ATP11C: variants seen among roughly 807,000 people sequenced by gnomAD.
ATP11C encodes the protein phospholipid-transporting ATPase IG.
In ATP11C, 36 loss-of-function variants were observed where a neutral mutation model predicts 97.4. That is an observed-to-expected ratio of 0.37 (90% CI 0.28 to 0.49). The LOEUF (loss-of-function observed/expected upper bound fraction) is 0.49. ATP11C is among the 20% of genes least tolerant of loss of function. The pLI is 0.98. For synonymous variants in ATP11C, 275 were observed against 290.9 expected (o/e 0.95, Z 0.56); for missense variants, 730 against 824.6 (o/e 0.89, Z 1.40).
intron 1 of ATP11C, among the ~76,000 whole-genome samples, chrX:139,889,413 G>A (rs1404307333): frequency 1.8e-5 from 2 of 111,879 alleles, no homozygotes; most frequent in Non-Finnish European, 3.8e-5. Context: ...GGGGTTGGCA[G>A]TTTAGGGAGG....
chrX:139,787,065 G>A (rs1212338322), intron 15 of ATP11C, 108 bp downstream of exon 15: 3 of 1,062,505 alleles, frequency 2.8e-6, no homozygotes, highest in African/African-American at 3.8e-5. Flanking sequence ...TGGGAGAGCA[G>A]GGTCCTGTAT....
intron 1 of ATP11C, among the ~76,000 whole-genome samples, chrX:139,906,221 C>T (rs968171572): frequency 9.4e-5 from 10 of 106,037 alleles, no homozygotes; most frequent in African/African-American, 3.5e-4. Context: ...CCCAGGAGTT[C>T]AAGACCAACC....
At chrX:139,846,817 C>A (rs2083915831) in intron 1 of ATP11C, among the ~76,000 whole-genome samples, 1 of 110,280 alleles carries the variant, frequency 9.1e-6, no homozygotes, top group South Asian at 3.9e-4. Context: ...GAACTTTAAT[C>A]AGGTTCAGAC....
intron 12 of ATP11C, among the ~76,000 whole-genome samples, chrX:139,794,834 G>A (rs974330848): frequency 8.9e-6 from 1 of 111,756 alleles, no homozygotes; most frequent in African/African-American, 3.3e-5. Flanking sequence ...TATTCTATTT[G>A]TAATAGTAGT....
At chrX:139,739,030 A>ATAT (rs1239546633) in intron 27 of ATP11C, among the ~76,000 whole-genome samples, 3 of 111,514 alleles carry the variant, frequency 2.7e-5, no homozygotes, top group Non-Finnish European at 5.7e-5. Context: ...TACTTTTATG[A>ATAT]AAATTAGATT....
intron 5 of ATP11C, among the ~76,000 whole-genome samples, chrX:139,805,810 A>C (rs762342923): frequency 8.9e-6 from 1 of 112,402 alleles, no homozygotes; most frequent in Non-Finnish European, 1.9e-5. Flanking sequence ...TGAGGATTTC[A>C]AGACCTATTC....
chrX:139,800,572 C>A (rs1220353937), intron 7 of ATP11C, among the ~76,000 whole-genome samples: 1 of 111,728 alleles, frequency 9.0e-6, no homozygotes, highest in Non-Finnish European at 1.9e-5. Flanking sequence ...TAGGTCCCAT[C>A]CCTGAGCTTC....
At chrX:139,884,245 A>T (rs1469475356) in intron 1 of ATP11C, among the ~76,000 whole-genome samples, 1 of 111,603 alleles carries the variant, frequency 9.0e-6, no homozygotes, top group African/African-American at 3.3e-5. Flanking sequence ...TTGACTAATG[A>T]AACACACAGA....
chrX:139,917,431 T>C (rs1300814033), intron 1 of ATP11C, among the ~76,000 whole-genome samples: 1 of 111,728 alleles, frequency 9.0e-6, no homozygotes, highest in Non-Finnish European at 1.9e-5. Flanking sequence ...TTGCAAATCA[T>C]ATATTTCATA....
At chrX:139,758,239 A>G (rs1244135077) in intron 22 of ATP11C, among the ~76,000 whole-genome samples, 2 of 112,451 alleles carry the variant, frequency 1.8e-5, no homozygotes, top group Non-Finnish European at 3.8e-5. Flanking sequence ...TTTAAAGTCA[A>G]TTAATGCCAA....
intron 18 of ATP11C, among the ~76,000 whole-genome samples, chrX:139,776,373 T>C (rs957059728): frequency 8.9e-6 from 1 of 112,095 alleles, no homozygotes; most frequent in Non-Finnish European, 1.9e-5. Context: ...CAGAGTTGTC[T>C]GCTCTGAACT....
Position 139,785,241 on chromosome X carries a change from C to T in ATP11C, c.1651G>A (p.Val551Met). 8.3e-7 allele frequency: 1 copy of T among 1,206,909 alleles called. No homozygotes were observed. Among genetic ancestry groups the T allele is most frequent in the Non-Finnish European group, 1.1e-6 (1 of 892,445 alleles). Residue 551 changes from valine to methionine, a missense_variant, in exon 16 of 30, where the codon GTG (valine) becomes ATG (methionine). Val to Met is a conservative substitution (Grantham distance 21). Coordinates refer to ENST00000682941, the MANE Select transcript of ATP11C (RefSeq NM_001353812.2). ...DAVRRRMSVI[V>M]KTQEGDILLF... ...AGACATGTACCTTCTTGAGTCTTCA[C>T]AATTACACTCATACGTCGCCGGACA...
chrX:139,855,946 C>T (rs1254088010), intron 1 of ATP11C, among the ~76,000 whole-genome samples: 1 of 111,861 alleles, frequency 8.9e-6, no homozygotes, highest in South Asian at 3.7e-4. Flanking sequence ...GGTGGACTGC[C>T]CCAGTTGGTT....
chrX:139,747,618 TA>T lies in ATP11C; in HGVS notation c.2829-1762del, dbSNP rs1356851568. Among the ~76,000 whole-genome samples the T allele has an allele frequency of 2.7e-5, 3 of 112,047 alleles. No homozygotes were observed. In the Admixed American group the frequency reaches 2.8e-4, roughly 11 times the overall value. The stretch of plus-strand genomic sequence containing the variant: ...ACTAGTTTATTTCTTACATTTCTCT[TA>T]AAAATATAAAAGCATCCAATTATGT... On this transcript the variant is annotated intron_variant, in intron 24 of 29. Transcript: ENST00000682941.
chrX:139,757,840 A>G lies in ATP11C; in HGVS notation c.2668T>C (p.Leu890=). ...KNLCFILPQF[L]YQFFCGFSQQ... ...GAGAATCCACAGAAGAACTGGTACA[A>G]AAACTGTGGCAAAATGAAACAAAGG... The change falls in exon 23 of 30, where the codon TTG becomes CTG. Residue 890 remains leucine, a synonymous_variant. Transcript: ENST00000682941. 8.4e-7 allele frequency: 1 copy of G among 1,192,651 alleles called. No homozygotes were observed. The highest frequency in any genetic ancestry group is 1.1e-6 in the Non-Finnish European group (1 of 884,618).
intron 19 of ATP11C, among the ~76,000 whole-genome samples, chrX:139,774,196 A>G (rs2082306074): frequency 8.9e-6 from 1 of 111,855 alleles, no homozygotes; most frequent in African/African-American, 3.3e-5. Context: ...TTCCTAGTTG[A>G]AAGTAGAGTC....
intron 1 of ATP11C, among the ~76,000 whole-genome samples, chrX:139,830,295 CAG>C (rs1424648255): frequency 8.9e-6 from 1 of 112,063 alleles, no homozygotes; most frequent in African/African-American, 3.2e-5. Context: ...ATTACTGCCA[CAG>C]ACTCTTTCAA....
intron 1 of ATP11C, among the ~76,000 whole-genome samples, chrX:139,847,818 T>C (rs1356439324): frequency 9.0e-6 from 1 of 111,053 alleles, no homozygotes; most frequent in African/African-American, 3.3e-5. Flanking sequence ...GAAACTTGGC[T>C]GTCTTCTTAA....
rs750271759 is a variant in ATP11C at position 139,737,929 on chromosome X, C to T, written c.3275G>A (p.Arg1092Lys). 6.6e-6 allele frequency: 8 copies of T among 1,203,265 alleles called. No individual in the cohort carries two copies. Among genetic ancestry groups the T allele is most frequent in the South Asian group, 1.8e-5 (1 of 55,182 alleles). The part of the protein sequence containing the change: ...ILLIVLKNVR[R>K]RSARRNLSCR... ...CTTAGTTCTTACCCTGGCACTTCTT[C>T]TTCTTACATTCTTTAATACTATCAG... Residue 1092 changes from arginine (R) to lysine (K), a missense_variant, in exon 28 of 30, where the codon AGA becomes AAA. Physicochemically the swap from Arg to Lys is conservative, Grantham distance 26. Transcript: ENST00000682941.
Sources: gnomAD v4.1 joint callset for allele counts (sites outside exome capture counted in the v4.1 genomes callset) on GRCh38, gnomAD v4.1.1 for gene constraint, MANE v1.5 for transcripts, NCBI Gene and HGNC (gene_info 2026-07-23, HGNC 2026-07-21) for gene names.